NLRP12: variants seen among roughly 807,000 people sequenced by gnomAD.
NLRP12 encodes the protein NLR family pyrin domain containing 12.
In NLRP12, 108 loss-of-function variants were observed where a neutral mutation model predicts 91.2. The ratio of observed to expected loss-of-function variants is 1.18; its 90% CI spans 1.01 to 1.39. The LOEUF (loss-of-function observed/expected upper bound fraction) is 1.39. Ranked by LOEUF, NLRP12 falls within the 40% of genes most tolerant of loss-of-function variation. The pLI is 0.00. For synonymous variants in NLRP12, 613 were observed against 566.7 expected, an observed-to-expected ratio of 1.08 and a Z score of -1.16; for missense variants, 1,530 against 1,352.7, an observed-to-expected ratio of 1.13 and a Z score of -2.06.
In NLRP12 at chr19:53,795,973, C is replaced by T. The variant is rs1000468466; in HGVS notation, c.2984G>A (p.Gly995Glu). 1.9e-6 allele frequency: 3 copies of T among 1,614,002 alleles called. No individual in the cohort carries two copies. The African/African-American group carries it at 4.0e-5, about 22-fold the overall frequency. The stretch of plus-strand genomic sequence containing the variant: ...AAGGTCGGTCAAGGTCTGGTTGATC[C>T]CCAGGGTGAAGTAAAGATTCTCACA... The part of the protein sequence containing the change: ...KACENLYFTL[G>E]INQTLTDLYL... Residue 995 changes from glycine to glutamate, a missense_variant, in exon 9 of 10, where the codon GGG (glycine) becomes GAG (glutamate). Gly to Glu is a moderately conservative substitution (Grantham distance 98, BLOSUM62 -2). Transcript: ENST00000324134.
At chr19:53,815,362 G>T (rs528068225) in intron 1 of NLRP12, among the ~76,000 whole-genome samples, 2 of 151,058 alleles carry the variant, frequency 1.3e-5, no homozygotes, top group Admixed American at 1.3e-4. Flanking sequence ...ACGAGTAGCT[G>T]GCATTACAGG....
chr19:53,821,398 G>T (rs1042780311), intron 1 of NLRP12, among the ~76,000 whole-genome samples: 1 of 152,044 alleles, frequency 6.6e-6, no homozygotes, highest in Non-Finnish European at 1.5e-5. Context: ...GCTGGGCACG[G>T]TGGCTCACAC....
At chr19:53,814,506 C>T (rs867319194) in intron 2 of NLRP12, among the ~76,000 whole-genome samples, 2 of 152,148 alleles carry the variant, frequency 1.3e-5, no homozygotes, top group Admixed American at 6.6e-5. Context: ...TATGCTCCAC[C>T]ACACCCTGCT....
At chr19:53,819,453 A>ATGTGTGTG (rs1199379245) in intron 1 of NLRP12, among the ~76,000 whole-genome samples, 8 of 7,620 alleles carry the variant, frequency 1.0e-3, no homozygotes, top group Non-Finnish European at 2.1e-3. Flanking sequence ...ATATATATAT[A>ATGTGTGTG]TATATGTGTG....
Position 53,805,286 on chromosome 19 carries a change from A to G in NLRP12, c.2408T>C (p.Met803Thr). 1.2e-6 allele frequency: 2 copies of G among 1,614,034 alleles called. No homozygotes were observed. Among genetic ancestry groups the G allele is most frequent in the Non-Finnish European group, 1.7e-6 (2 of 1,179,960 alleles). ...CCCGGGGATAGAGACTCACTGAATC[A>G]TCTGCAGCCTGCACTGGGGATGCCG... ...GLRHPQCRLQMIQLRKCQLES... is the reference protein window; with the variant it reads ...GLRHPQCRLQTIQLRKCQLES... Residue 803 changes from methionine (M) to threonine (T), a missense_variant, in exon 5 of 10, where the codon ATG becomes ACG. Coordinates refer to ENST00000324134, the MANE Select transcript of NLRP12 (RefSeq NM_144687.4).
Position 53,809,799 on chromosome 19 carries a change from G to T in NLRP12, c.1860C>A (p.Ile620=), listed in dbSNP as rs1274621321. Reference sequence around the variant, plus strand: ...CCTGCTGGATAAACTCCTCCTCCTGGATCTCGTACAAGCAGCTGAAGAACT... The same window carrying T: ...CCTGCTGGATAAACTCCTCCTCCTGTATCTCGTACAAGCAGCTGAAGAACT... ...SLEFFSCLYE[I]QEEEFIQQAL... The change falls in exon 3 of 10, where the codon ATC becomes ATA. Residue 620 remains isoleucine, a synonymous_variant. Transcript: ENST00000324134. The T allele has an allele frequency of 1.2e-6, 2 of 1,614,106 alleles. No individual in the cohort carries two copies. Among genetic ancestry groups the T allele is most frequent in the East Asian group, 4.5e-5 (2 of 44,864 alleles).
intron 1 of NLRP12, among the ~76,000 whole-genome samples, chr19:53,823,182 C>T (rs2092284899): frequency 8.1e-6 from 1 of 123,262 alleles, no homozygotes; most frequent in African/African-American, 3.0e-5. Flanking sequence ...ATCTCCCAGG[C>T]TCAGGGATTT....
intron 6 of NLRP12, among the ~76,000 whole-genome samples, chr19:53,802,455 C>T (rs186196386): frequency 6.6e-6 from 1 of 152,138 alleles, no homozygotes; most frequent in Admixed American, 6.6e-5. Context: ...CGCCTGTAAT[C>T]CCAGCACTTT....
intron 1 of NLRP12, among the ~76,000 whole-genome samples, chr19:53,817,275 C>G (rs561213549): frequency 6.6e-6 from 1 of 151,990 alleles, no homozygotes; most frequent in South Asian, 2.1e-4. Context: ...ATTAAAAATA[C>G]AAAAATGAGC....
intron 1 of NLRP12, among the ~76,000 whole-genome samples, chr19:53,820,193 G>A (rs552781156): frequency 5.9e-5 from 9 of 152,134 alleles, no homozygotes; most frequent in South Asian, 2.1e-4. Flanking sequence ...CTTTGAAGGC[G>A]TCCATGTCAC....
At chr19:53,796,544 G>A (rs1345950039) in intron 8 of NLRP12, among the ~76,000 whole-genome samples, 1 of 151,978 alleles carries the variant, frequency 6.6e-6, no homozygotes, top group Non-Finnish European at 1.5e-5. Flanking sequence ...ACTGTGCCCG[G>A]CCGTAATTTT....
rs764833458 is a variant in NLRP12 at position 53,805,407 on chromosome 19, A to T, written c.2287T>A (p.Ser763Thr). ...RISSSACEDL[S>T]AALIANKNLT... ...TTCTTATTGGCTATGAGAGCTGCAGAGAGGTCCTCGCAGGCTGAGCTGGAG... is the reference window on the plus strand; with the variant it reads ...TTCTTATTGGCTATGAGAGCTGCAGTGAGGTCCTCGCAGGCTGAGCTGGAG... The change falls in exon 5 of 10, where the codon TCT becomes ACT. Residue 763 changes from serine to threonine, a missense_variant. Coordinates refer to ENST00000324134, the MANE Select transcript of NLRP12 (RefSeq NM_144687.4). 6.2e-7 allele frequency: 1 copy of T among 1,614,042 alleles called. No individual in the cohort carries two copies. The highest frequency in any genetic ancestry group is 8.5e-7 in the Non-Finnish European group (1 of 1,179,996).
At chr19:53,815,075 GC>G in intron 1 of NLRP12, 87 bp from the exon 2 acceptor site, 2 of 990,498 alleles carry the variant, frequency 2.0e-6, no homozygotes, top group Non-Finnish European at 3.3e-6. Flanking sequence ...CGAAATGCCT[GC>G]ATAACTCCCT....
chr19:53,804,376 TTTTTTGTTTTTTTTGGGTTTTTTTG>T (rs779781365), intron 5 of NLRP12, among the ~76,000 whole-genome samples: 243 of 144,872 alleles, frequency 1.7e-3, no homozygotes, highest in Non-Finnish European at 2.8e-3. Context: ...TGTTTGTTTG[TTTTTTGTTTTTTTTGGGTTTTTTTG>T]TTTTTTTTTT....
In NLRP12 at chr19:53,810,234, T is replaced by C. The variant is rs199475865; in HGVS notation, c.1425A>G (p.Leu475=). The change falls in exon 3 of 10, where the codon CTA becomes CTG. Residue 475 remains leucine (L), a synonymous_variant. Transcript: ENST00000324134. ...AADGLWNQKI[L]FEEQDLRKHG... is the part of the protein sequence containing the mutation. ...GCTTCCGGAGGTCCTGCTCCTCAAA[T>C]AGGATTTTCTGATTCCAGAGCCCAT... The C allele has an allele frequency of 4.7e-5, 76 of 1,614,136 alleles. No homozygotes were observed. The highest frequency in any genetic ancestry group is 4.0e-4 in the Admixed American group (24 of 60,008).
intron 4 of NLRP12, among the ~76,000 whole-genome samples, chr19:53,806,883 A>G (rs942796499): frequency 6.6e-6 from 1 of 151,230 alleles, no homozygotes; most frequent in Non-Finnish European, 1.5e-5. Context: ...AAAAAAGTAA[A>G]AAAAAGAAAA....
At chr19:53,808,062 C>T (rs1020796462) in intron 3 of NLRP12, 2 of 349,572 alleles carry the variant, frequency 5.7e-6, no homozygotes, top group Non-Finnish European at 1.1e-5. Flanking sequence ...AGCATGCTAT[C>T]TTTTCATTTT....
chr19:53,797,650 C>T (rs544132027), intron 8 of NLRP12, among the ~76,000 whole-genome samples: 1 of 152,224 alleles, frequency 6.6e-6, no homozygotes, highest in East Asian at 1.9e-4. Flanking sequence ...CTCCTGACCT[C>T]AGGTGATCCA....
At chr19:53,816,001 G>A (rs1426891336) in intron 1 of NLRP12, among the ~76,000 whole-genome samples, 1 of 150,882 alleles carries the variant, frequency 6.6e-6, no homozygotes, top group Non-Finnish European at 1.5e-5. Flanking sequence ...GGAACTCCTA[G>A]CTTCAAGCAG....
Sources: gnomAD v4.1 joint callset for allele counts (sites outside exome capture counted in the v4.1 genomes callset) on GRCh38, gnomAD v4.1.1 for gene constraint, MANE v1.5 for transcripts, NCBI Gene and HGNC (gene_info 2026-07-23, HGNC 2026-07-21) for gene names.